ANKS1B: variants seen among roughly 807,000 people sequenced by gnomAD.
ANKS1B encodes the protein ankyrin repeat and sterile alpha motif domain containing 1B.
A neutral mutation model predicts 148.3 loss-of-function variants in ANKS1B; 36 were observed. The ratio of observed to expected loss-of-function variants is 0.24; its 90% CI spans 0.19 to 0.32. The LOEUF is 0.32. Among genes scored for constraint, ANKS1B ranks in the 10% least tolerant of loss-of-function variants. The probability of loss-of-function intolerance (pLI) is 1.00; values close to 1 mark genes in which losing one functional copy is unlikely to be tolerated. For synonymous variants in ANKS1B, 542 were observed against 560.8 expected (o/e 0.97, Z 0.47); for missense variants, 1,157 against 1,542.6 (o/e 0.75, Z 4.19).
chr12:98,776,199 T>C (rs1463269512), intron 24 of ANKS1B, among the ~76,000 whole-genome samples: 1 of 152,246 alleles, frequency 6.6e-6, no homozygotes, highest in East Asian at 1.9e-4. Flanking sequence ...GTAGACTGTA[T>C]GGAGACTAGA....
At chr12:99,693,063 T>C (rs1237014186) in intron 8 of ANKS1B, among the ~76,000 whole-genome samples, 5 of 152,026 alleles carry the variant, frequency 3.3e-5, no homozygotes, top group African/African-American at 1.2e-4. Flanking sequence ...ACTGACATAT[T>C]TGAGGTACAG....
At chr12:98,814,249 G>A (rs771472790) in intron 19 of ANKS1B, among the ~76,000 whole-genome samples, 1 of 152,200 alleles carries the variant, frequency 6.6e-6, no homozygotes, top group Admixed American at 6.5e-5. Flanking sequence ...ATTTCACCAA[G>A]TTGTTGTGCA....
rs150971023 is a variant in ANKS1B, at chr12:99,775,449, A to C, written c.961+99T>G. 2.2e-4 allele frequency: 143 copies of C among 638,518 alleles called. 2 individuals carry two copies. The East Asian group carries it at 3.8e-3, about 17-fold the overall frequency. The allele number at this position is 638,518 out of a possible 1,614,324, so 39.6% of individuals were successfully genotyped here. A position where few individuals can be genotyped will look rare whatever the true frequency, so the allele number is the denominator to read the frequency against. On this transcript the variant is annotated intron_variant, in intron 7 of 26. Coordinates refer to ENST00000683438, the MANE Select transcript of ANKS1B (RefSeq NM_001352186.2). Reference sequence around the variant, plus strand: ...TAACAGGAGCTCTTATAAATGGATGAAATATAGAGTATAGGATATAACCTA... The same window carrying C: ...TAACAGGAGCTCTTATAAATGGATGCAATATAGAGTATAGGATATAACCTA...
intron 14 of ANKS1B, among the ~76,000 whole-genome samples, chr12:99,224,954 A>T (rs966072470): frequency 6.6e-6 from 1 of 152,218 alleles, no homozygotes; most frequent in Non-Finnish European, 1.5e-5. Context: ...CTGGGACTTA[A>T]GTAATTGATA....
chr12:98,919,779 G>T lies in ANKS1B; in HGVS notation c.2779-87643C>A, dbSNP rs75604091. Among the ~76,000 whole-genome samples, 538 of 152,262 alleles carry T rather than the reference G, an allele frequency of 3.5e-3. 12 individuals are homozygous for T. In the East Asian group the frequency reaches 0.076, roughly 21 times the overall value. On this transcript the variant is annotated intron_variant, in intron 17 of 26. Transcript: ENST00000683438. ...TTCCAAGTGTTATGACTGAATGGAA[G>T]CTGTGTGGTTGGTGAAGTACTTCGG...
At chr12:99,376,336 C>T (rs926703722) in intron 12 of ANKS1B, among the ~76,000 whole-genome samples, 30 of 152,208 alleles carry the variant, frequency 2.0e-4, no homozygotes, top group Non-Finnish European at 5.9e-5. Flanking sequence ...CTGTTGCACA[C>T]TCAGGTGAGC....
At chr12:99,155,406 T>C (rs1017843260) in intron 14 of ANKS1B, among the ~76,000 whole-genome samples, 3 of 152,188 alleles carry the variant, frequency 2.0e-5, no homozygotes, top group Non-Finnish European at 1.5e-5. Flanking sequence ...ATAATTTATT[T>C]CTTGTTTGCA....
intron 10 of ANKS1B, among the ~76,000 whole-genome samples, chr12:99,484,325 G>A (rs1287496287): frequency 6.6e-6 from 1 of 151,786 alleles, no homozygotes; most frequent in Non-Finnish European, 1.5e-5. Flanking sequence ...TTTTTGAGTT[G>A]ATTTCTGGTT....
chr12:99,137,814 C>T (rs1425710932), intron 15 of ANKS1B, among the ~76,000 whole-genome samples: 1 of 152,054 alleles, frequency 6.6e-6, no homozygotes, highest in African/African-American at 2.4e-5. Flanking sequence ...TCCTATCACT[C>T]AGCCCTTTCA....
intron 15 of ANKS1B, chr12:99,104,455 T>C (rs948534276): frequency 1.3e-5 from 2 of 152,222 alleles, no homozygotes; most frequent in African/African-American, 4.8e-5. Context: ...CCACTTAGGA[T>C]CCTCTAGGCC....
chr12:99,809,778 A>G (rs2068097049), intron 3 of ANKS1B, among the ~76,000 whole-genome samples: 1 of 152,146 alleles, frequency 6.6e-6, no homozygotes, highest in African/African-American at 2.4e-5. Flanking sequence ...GAAACCAAAG[A>G]TAACTTTCAG....
At chr12:99,916,728 C>T (rs763383955) in intron 1 of ANKS1B, among the ~76,000 whole-genome samples, 33 of 152,148 alleles carry the variant, frequency 2.2e-4, no homozygotes, top group Admixed American at 1.9e-3. Context: ...AAAAACCATA[C>T]GGCTCATGGA....
At chr12:99,700,653 A>G (rs1162320325) in intron 8 of ANKS1B, among the ~76,000 whole-genome samples, 2 of 152,114 alleles carry the variant, frequency 1.3e-5, no homozygotes, top group African/African-American at 4.8e-5. Flanking sequence ...GCTTCTCCTT[A>G]GCATATCCCA....
At chr12:99,047,063 A>C (rs2099962974) in intron 17 of ANKS1B, among the ~76,000 whole-genome samples, 1 of 152,168 alleles carries the variant, frequency 6.6e-6, no homozygotes, top group African/African-American at 2.4e-5. Flanking sequence ...ATACTGATGT[A>C]TTTGGGGTTT....
intron 15 of ANKS1B, among the ~76,000 whole-genome samples, chr12:99,106,585 G>T (rs1361007680): frequency 6.6e-6 from 1 of 152,054 alleles, no homozygotes; most frequent in Non-Finnish European, 1.5e-5. Context: ...TTTTTAAATG[G>T]GTACTTAATA....
intron 9 of ANKS1B, among the ~76,000 whole-genome samples, chr12:99,567,321 C>A (rs1343099130): frequency 6.6e-6 from 1 of 152,088 alleles, no homozygotes; most frequent in African/African-American, 2.4e-5. Flanking sequence ...CCAGTAAAAT[C>A]TACCCTCAAT....
chr12:99,761,206 G>T (rs535801019), intron 8 of ANKS1B, among the ~76,000 whole-genome samples: 1 of 150,198 alleles, frequency 6.7e-6, no homozygotes, highest in East Asian at 2.0e-4. Flanking sequence ...TCATGAAGCC[G>T]CCATCATCCT....
At chr12:99,093,776 T>C (rs2153654736) in intron 15 of ANKS1B, among the ~76,000 whole-genome samples, 1 of 152,170 alleles carries the variant, frequency 6.6e-6, no homozygotes, top group Middle Eastern at 3.4e-3. Context: ...CATCCCCAGA[T>C]TTAAGGATGA....
intron 12 of ANKS1B, among the ~76,000 whole-genome samples, chr12:99,331,607 G>A (rs886972855): frequency 3.3e-5 from 5 of 151,936 alleles, no homozygotes; most frequent in African/African-American, 1.2e-4. Flanking sequence ...TGTACTTATC[G>A]ATCACAGCAT....
Sources: allele counts gnomAD v4.1 joint callset (sites outside exome capture counted in the v4.1 genomes callset), GRCh38; gene constraint gnomAD v4.1.1; transcripts MANE v1.5; gene names NCBI Gene and HGNC (gene_info 2026-07-23, HGNC 2026-07-21).